PCDHA7: variants seen among roughly 807,000 people sequenced by gnomAD.
PCDHA7 encodes protocadherin alpha-7.
PCDHA7 carries 37 observed loss-of-function variants against 57.2 expected under a neutral mutation model. The ratio of observed to expected loss-of-function variants is 0.65; its 90% CI spans 0.50 to 0.85. The LOEUF (loss-of-function observed/expected upper bound fraction) is 0.85. Among genes scored for constraint, PCDHA7 ranks in the 40% least tolerant of loss-of-function variants. The pLI is 0.00. For missense variants in PCDHA7, 1,188 were observed against 1,241.8 expected (o/e 0.96, Z 0.65); for synonymous variants, 553 against 558.8 (o/e 0.99, Z 0.15).
At chr5:140,855,278 G>A (rs251360) in intron 1 of PCDHA7, among the ~76,000 whole-genome samples, 95,551 of 148,822 alleles carry the variant, frequency 0.64, 33,178 homozygotes, top group African/African-American at 0.69. Context: ...CTCAACCACC[G>A]TATTACTATT....
rs150544958 is a variant in PCDHA7, at chr5:140,940,065, T to C, written c.2356-38884T>C. ...TATTAGATTCTTAACCAAATATAAA[T>C]ATGTGATATCTTTCTGCTAAATTGA... On this transcript the variant is annotated intron_variant, in intron 1 of 3. Coordinates refer to ENST00000525929, the MANE Select transcript of PCDHA7 (RefSeq NM_018910.3). Among the ~76,000 whole-genome samples the C allele has an allele frequency of 2.1e-3, 313 of 152,364 alleles. 1 individual carries two copies. Among genetic ancestry groups the C allele is most frequent in the African/African-American group, 7.1e-3 (295 of 41,596 alleles).
intron 1 of PCDHA7, among the ~76,000 whole-genome samples, chr5:140,944,853 C>G (rs1230548858): frequency 6.6e-6 from 1 of 152,118 alleles, no homozygotes; most frequent in Non-Finnish European, 1.5e-5. Context: ...TTAGAATCAT[C>G]CTTATTTATC....
intron 1 of PCDHA7, among the ~76,000 whole-genome samples, chr5:140,911,947 G>A (rs559007219): frequency 1.4e-4 from 22 of 152,262 alleles, no homozygotes; most frequent in Non-Finnish European, 2.5e-4. Context: ...TATATATAAA[G>A]GGGAGGTTAC....
At chr5:140,842,621 T>C in intron 1 of PCDHA7, 1 of 1,576,496 alleles carries the variant, frequency 6.3e-7, no homozygotes, top group East Asian at 2.2e-5. Flanking sequence ...GGGCTCGCCT[T>C]CGCTGTGGGC....
intron 1 of PCDHA7, among the ~76,000 whole-genome samples, chr5:140,945,740 C>A (rs966678098): frequency 5.9e-5 from 9 of 151,998 alleles, no homozygotes; most frequent in African/African-American, 2.2e-4. Flanking sequence ...AAAAGGACAG[C>A]CTCTTCAATA....
chr5:140,872,606 A>T (rs905903091), intron 1 of PCDHA7, among the ~76,000 whole-genome samples: 4 of 151,888 alleles, frequency 2.6e-5, no homozygotes, highest in Non-Finnish European at 4.4e-5. Context: ...TGAAAAAATA[A>T]TTTTTTTTGC....
At chr5:140,993,107 A>G (rs2097540621) in intron 3 of PCDHA7, among the ~76,000 whole-genome samples, 1 of 152,218 alleles carries the variant, frequency 6.6e-6, no homozygotes, top group South Asian at 2.1e-4. Context: ...TTCAGCGGTC[A>G]GTGTCACATC....
chr5:140,967,234 G>A (rs781912172), intron 1 of PCDHA7: 3 of 1,613,746 alleles, frequency 1.9e-6, no homozygotes, highest in South Asian at 1.1e-5. Context: ...ACCAGCTTCA[G>A]GTAAGCGAAT....
intron 1 of PCDHA7, chr5:140,967,197 AC>A: frequency 6.2e-7 from 1 of 1,613,542 alleles, no homozygotes; most frequent in Non-Finnish European, 8.5e-7. Context: ...ATCAACGACA[AC>A]TCACCGCGTT....
rs181817860 is a variant in PCDHA7 at position 140,866,905 on chromosome 5, C to T, written c.2355+30167C>T. The T allele has an allele frequency of 1.6e-4, 24 of 152,148 alleles. 1 individual carries two copies. The highest frequency in any genetic ancestry group is 1.4e-3 in the Admixed American group (22 of 15,284). 9.4% of individuals were successfully genotyped at this position (152,148 alleles called of 1,614,324 possible). ...CCTATACCCAGATATTAGGCTGATCCTCAAAGATGAGTTCAAAGGGCGCAT... is the reference window on the plus strand; with the variant it reads ...CCTATACCCAGATATTAGGCTGATCTTCAAAGATGAGTTCAAAGGGCGCAT... On this transcript the variant is annotated intron_variant, in intron 1 of 3. Transcript: ENST00000525929.
intron 1 of PCDHA7, among the ~76,000 whole-genome samples, chr5:140,954,134 A>G (rs1443838127): frequency 6.6e-6 from 1 of 152,194 alleles, no homozygotes; most frequent in Non-Finnish European, 1.5e-5. Flanking sequence ...TTATGGATGC[A>G]TAGTATTCCA....
intron 1 of PCDHA7, among the ~76,000 whole-genome samples, chr5:140,948,721 A>G (rs1392170905): frequency 2.0e-5 from 3 of 151,530 alleles, no homozygotes; most frequent in African/African-American, 7.2e-5. Flanking sequence ...CTTTTTTATC[A>G]ATAAGTCTAG....
chr5:140,872,003 A>G (rs1314439086), intron 1 of PCDHA7, among the ~76,000 whole-genome samples: 1 of 152,202 alleles, frequency 6.6e-6, no homozygotes, highest in South Asian at 2.1e-4. Context: ...GGCTATTTAC[A>G]GGTGACCTGT....
At chr5:140,998,754 C>T (rs2097832847) in intron 3 of PCDHA7, among the ~76,000 whole-genome samples, 1 of 152,056 alleles carries the variant, frequency 6.6e-6, no homozygotes, top group African/African-American at 2.4e-5. Context: ...AGAAGAGACA[C>T]AGTTTCACTA....
intron 1 of PCDHA7, chr5:140,852,529 G>T: frequency 2.4e-6 from 1 of 416,580 alleles, no homozygotes. Context: ...TCCCACCTCG[G>T]CCTCCCAAAG....
At chr5:140,926,738 G>T in intron 1 of PCDHA7, 1 of 1,162,106 alleles carries the variant, frequency 8.6e-7, no homozygotes, top group Non-Finnish European at 1.1e-6. Context: ...TTCGGGAGGC[G>T]CAACGTCGGC....
chr5:141,005,451 C>G (rs1263058026), intron 3 of PCDHA7, among the ~76,000 whole-genome samples: 1 of 151,986 alleles, frequency 6.6e-6, no homozygotes, highest in Non-Finnish European at 1.5e-5. Flanking sequence ...CGCCTGTAAT[C>G]CCAGCACTTT....
chr5:140,902,563 G>C (rs1472097639), intron 1 of PCDHA7, among the ~76,000 whole-genome samples: 2 of 151,808 alleles, frequency 1.3e-5, no homozygotes, highest in African/African-American at 4.8e-5. Context: ...GATTTTTGAG[G>C]GTTTTTAAGA....
intron 1 of PCDHA7, among the ~76,000 whole-genome samples, chr5:140,881,806 C>G (rs545752672): frequency 1.3e-5 from 2 of 152,238 alleles, no homozygotes; most frequent in African/African-American, 4.8e-5. Context: ...AAACGAGTGT[C>G]GAATATTCTT....
Sources: gnomAD v4.1 joint callset for allele counts (sites outside exome capture counted in the v4.1 genomes callset) on GRCh38, gnomAD v4.1.1 for gene constraint, MANE v1.5 for transcripts, NCBI Gene and HGNC (gene_info 2026-07-23, HGNC 2026-07-21) for gene names.